Variants in ARHGAP15 observed in about 807,000 individuals in gnomAD.
ARHGAP15 encodes the protein Rho GTPase activating protein 15.
Under a neutral mutation model 63.7 loss-of-function variants are expected in ARHGAP15, and 51 were observed. The observed-to-expected ratio is 0.80, with a 90% CI of 0.64 to 1.01. ARHGAP15 has a LOEUF of 1.01. Ranked by LOEUF, ARHGAP15 falls within the 50% of genes least tolerant of loss-of-function variation. The pLI is 0.00. For missense variants in ARHGAP15, 560 were observed against 564.6 expected (o/e 0.99, Z 0.08); for synonymous variants, 191 against 193.8 (o/e 0.99, Z 0.12).
chr2:143,397,995 T>G (rs1294812551), intron 6 of ARHGAP15, among the ~76,000 whole-genome samples: 4 of 152,138 alleles, frequency 2.6e-5, no homozygotes, highest in African/African-American at 7.2e-5. Flanking sequence ...TGCCTTGAAA[T>G]GTTTTCTTTC....
intron 6 of ARHGAP15, among the ~76,000 whole-genome samples, chr2:143,294,987 A>AT (rs1682575476): frequency 6.6e-6 from 1 of 152,040 alleles, no homozygotes; most frequent in South Asian, 2.1e-4. Context: ...CACTTTATAT[A>AT]TGTTAGTTTG....
chr2:143,574,295 C>G (rs1324012228), intron 11 of ARHGAP15, among the ~76,000 whole-genome samples: 1 of 151,998 alleles, frequency 6.6e-6, no homozygotes, highest in Admixed American at 6.6e-5. Flanking sequence ...CCCAAGTTTC[C>G]AATATACAAA....
At chr2:143,615,269 T>C (rs1698412544) in intron 11 of ARHGAP15, among the ~76,000 whole-genome samples, 1 of 152,182 alleles carries the variant, frequency 6.6e-6, no homozygotes. Flanking sequence ...AGTAGCAATA[T>C]CTTAATCTAC....
At chr2:143,541,934 G>T (rs902527488) in intron 10 of ARHGAP15, among the ~76,000 whole-genome samples, 7 of 152,204 alleles carry the variant, frequency 4.6e-5, no homozygotes, top group African/African-American at 1.7e-4. Context: ...GTCTGCAGAG[G>T]TTATTGCTGT....
intron 2 of ARHGAP15, among the ~76,000 whole-genome samples, chr2:143,182,608 G>T (rs76591036): frequency 6.6e-6 from 1 of 152,172 alleles, no homozygotes; most frequent in East Asian, 1.9e-4. Context: ...CCTTGCTGCC[G>T]TTCACCAGCA....
chr2:143,628,900 C>A (rs1182735179), intron 12 of ARHGAP15, among the ~76,000 whole-genome samples: 1 of 152,056 alleles, frequency 6.6e-6, no homozygotes, highest in Non-Finnish European at 1.5e-5. Flanking sequence ...TCTTTTATTA[C>A]CCCCAAGCCC....
At chr2:143,603,540 C>A (rs1227782332) in intron 11 of ARHGAP15, among the ~76,000 whole-genome samples, 3 of 151,990 alleles carry the variant, frequency 2.0e-5, no homozygotes, top group Non-Finnish European at 4.4e-5. Flanking sequence ...CTAGGGAGAT[C>A]GGGAGCACAT....
chr2:143,520,976 A>G (rs1694039864), intron 10 of ARHGAP15, among the ~76,000 whole-genome samples: 1 of 152,198 alleles, frequency 6.6e-6, no homozygotes, highest in Non-Finnish European at 1.5e-5. Flanking sequence ...AGAGTAGAAA[A>G]CGTCTATAAA....
At chr2:143,456,713 CAG>C (rs1239385852) in intron 8 of ARHGAP15, among the ~76,000 whole-genome samples, 3 of 151,894 alleles carry the variant, frequency 2.0e-5, no homozygotes, top group African/African-American at 7.2e-5. Context: ...CAGTCTAAAT[CAG>C]AACACATTCT....
rs1296009610 is a variant in ARHGAP15, at chr2:143,715,257, C to T, written c.1244+11733C>T. ...ATCTTGTGAGACTTATTCGCTATCACGAGAATAGCATGGGAAAGACCAGCC... is the reference window on the plus strand; with the variant it reads ...ATCTTGTGAGACTTATTCGCTATCATGAGAATAGCATGGGAAAGACCAGCC... On this transcript the variant is annotated intron_variant, in intron 13 of 13. Transcript: ENST00000295095. Among the ~76,000 whole-genome samples, 6 of 152,284 alleles carry T rather than the reference C, an allele frequency of 3.9e-5. No homozygotes were observed. The South Asian group carries it at 8.3e-4, about 21-fold the overall frequency.
intron 11 of ARHGAP15, among the ~76,000 whole-genome samples, chr2:143,601,019 T>C (rs534348828): frequency 1.8e-4 from 27 of 152,264 alleles, no homozygotes; most frequent in Admixed American, 6.5e-4. Flanking sequence ...TCACAGGCCA[T>C]GGTTTGCTAA....
In ARHGAP15 at chr2:143,743,066, G is replaced by C. The variant is rs544399890; in HGVS notation, c.1245-24923G>C. On this transcript the variant is annotated intron_variant, in intron 13 of 13. Transcript: ENST00000295095. ...TATCTGATTGGGAACTAAAGAGAGC[G>C]GCGACTGAGGAAAAAGAATAGCAAA... 8.5e-5 allele frequency among the ~76,000 whole-genome samples: 13 copies of C among 152,254 alleles called. No individual in the cohort carries two copies. In the South Asian group the frequency reaches 2.7e-3, roughly 32 times the overall value.
intron 12 of ARHGAP15, among the ~76,000 whole-genome samples, chr2:143,640,322 T>C (rs1023648579): frequency 6.6e-6 from 1 of 152,058 alleles, no homozygotes; most frequent in African/African-American, 2.4e-5. Context: ...AGAAGGTGAA[T>C]GGCAGAGATG....
chr2:143,742,946 C>T (rs1227383848), intron 13 of ARHGAP15, among the ~76,000 whole-genome samples: 1 of 152,154 alleles, frequency 6.6e-6, no homozygotes, highest in African/African-American at 2.4e-5. Flanking sequence ...AAGCAAGGGG[C>T]CTGGGGCTCC....
intron 10 of ARHGAP15, among the ~76,000 whole-genome samples, chr2:143,527,259 A>G (rs1365745171): frequency 6.6e-6 from 1 of 152,080 alleles, no homozygotes; most frequent in African/African-American, 2.4e-5. Context: ...AATGAACATG[A>G]CATATTTTTT....
At chr2:143,219,938 G>C (rs1273764419) in intron 4 of ARHGAP15, among the ~76,000 whole-genome samples, 2 of 151,906 alleles carry the variant, frequency 1.3e-5, no homozygotes, top group African/African-American at 4.8e-5. Flanking sequence ...AATATATTTG[G>C]GATAATAATG....
At chr2:143,668,569 A>T (rs201797405) in intron 12 of ARHGAP15, among the ~76,000 whole-genome samples, 1 of 20,838 alleles carries the variant, frequency 4.8e-5, no homozygotes, top group South Asian at 1.8e-3. Context: ...GCAATTAGCT[A>T]GTTTGACAAG....
chr2:143,333,520 C>G (rs796859205), intron 6 of ARHGAP15, among the ~76,000 whole-genome samples: 9 of 152,172 alleles, frequency 5.9e-5, no homozygotes, highest in African/African-American at 2.2e-4. Context: ...GCAGGAAATA[C>G]TAGTACATCA....
At chr2:143,753,759 A>G (rs1686470597) in intron 13 of ARHGAP15, among the ~76,000 whole-genome samples, 1 of 152,210 alleles carries the variant, frequency 6.6e-6, no homozygotes, top group African/African-American at 2.4e-5. Context: ...CAATCCAACC[A>G]TAGCATAAAA....
Sources: gnomAD v4.1 joint callset for allele counts (sites outside exome capture counted in the v4.1 genomes callset) on GRCh38, gnomAD v4.1.1 for gene constraint, MANE v1.5 for transcripts, NCBI Gene and HGNC (gene_info 2026-07-23, HGNC 2026-07-21) for gene names.